KCNJ3: variants seen among roughly 807,000 people sequenced by gnomAD.
KCNJ3 encodes the protein G protein-activated inward rectifier potassium channel 1.
Under a neutral mutation model 39.2 loss-of-function variants are expected in KCNJ3, and 4 were observed. The ratio of observed to expected loss-of-function variants is 0.10; its 90% CI spans 0.05 to 0.23. The LOEUF is 0.23. Among genes scored for constraint, KCNJ3 ranks in the 10% least tolerant of loss-of-function variants. The pLI is 1.00. For missense variants in KCNJ3, 276 were observed against 634.9 expected (o/e 0.43, Z 6.08); for synonymous variants, 230 against 237.4 (o/e 0.97, Z 0.29).
intron 2 of KCNJ3, among the ~76,000 whole-genome samples, chr2:154,831,888 G>C (rs563921821): frequency 5.9e-5 from 9 of 152,252 alleles, no homozygotes; most frequent in Non-Finnish European, 8.8e-5. Flanking sequence ...TTTGGCTCAT[G>C]GTTCTGCAGG....
intron 2 of KCNJ3, among the ~76,000 whole-genome samples, chr2:154,827,903 T>A (rs1687296206): frequency 6.6e-6 from 1 of 152,128 alleles, no homozygotes; most frequent in Non-Finnish European, 1.5e-5. Flanking sequence ...ATTCTAATGA[T>A]CAAATTCTGG....
At chr2:154,738,294 G>A (rs1341607283) in intron 2 of KCNJ3, among the ~76,000 whole-genome samples, 1 of 152,016 alleles carries the variant, frequency 6.6e-6, no homozygotes, top group Non-Finnish European at 1.5e-5. Flanking sequence ...GTGGGGAGAT[G>A]GGGATTATTA....
At chr2:154,790,916 A>G (rs1360579948) in intron 2 of KCNJ3, among the ~76,000 whole-genome samples, 1 of 152,088 alleles carries the variant, frequency 6.6e-6, no homozygotes, top group Non-Finnish European at 1.5e-5. Flanking sequence ...ATCTTTGAGT[A>G]AGTCAGAAAA....
intron 1 of KCNJ3, among the ~76,000 whole-genome samples, chr2:154,703,985 G>A (rs1684955036): frequency 6.6e-6 from 1 of 152,028 alleles, no homozygotes; most frequent in South Asian, 2.1e-4. Flanking sequence ...GTATTGGTTG[G>A]TGAGTTCTTC....
intron 2 of KCNJ3, among the ~76,000 whole-genome samples, chr2:154,815,948 A>C (rs1687077154): frequency 6.6e-6 from 1 of 152,164 alleles, no homozygotes; most frequent in Non-Finnish European, 1.5e-5. Flanking sequence ...CAGAATATAA[A>C]TGTGTGTCCC....
At chr2:154,728,030 C>A (rs1490191882) in intron 2 of KCNJ3, among the ~76,000 whole-genome samples, 2 of 151,572 alleles carry the variant, frequency 1.3e-5, no homozygotes, top group Non-Finnish European at 2.9e-5. Flanking sequence ...ATGTGAAAAA[C>A]AATGATTTTG....
At chr2:154,765,160 T>A (rs138109744) in intron 2 of KCNJ3, among the ~76,000 whole-genome samples, 9 of 152,146 alleles carry the variant, frequency 5.9e-5, no homozygotes, top group African/African-American at 1.9e-4. Context: ...GCCCTAGTTA[T>A]GGCAACCAAA....
At chr2:154,745,397 C>G (rs1473198146) in intron 2 of KCNJ3, among the ~76,000 whole-genome samples, 1 of 151,832 alleles carries the variant, frequency 6.6e-6, no homozygotes, top group African/African-American at 2.4e-5. Flanking sequence ...ATTTTTAAAT[C>G]TCTGCTTTTA....
At chr2:154,755,122 A>C (rs549548507) in intron 2 of KCNJ3, among the ~76,000 whole-genome samples, 1 of 152,168 alleles carries the variant, frequency 6.6e-6, no homozygotes. Flanking sequence ...GTGTATTTTT[A>C]ACCTTTTTCT....
At chr2:154,793,904 T>C (rs1686678550) in intron 2 of KCNJ3, among the ~76,000 whole-genome samples, 1 of 152,026 alleles carries the variant, frequency 6.6e-6, no homozygotes, top group Non-Finnish European at 1.5e-5. Context: ...TCTAGGCACT[T>C]GTACTGTAGA....
intron 2 of KCNJ3, among the ~76,000 whole-genome samples, chr2:154,838,074 G>A (rs1358420685): frequency 2.0e-5 from 3 of 152,188 alleles, no homozygotes; most frequent in Non-Finnish European, 2.9e-5. Context: ...GGTGCAGGAT[G>A]AGTGTGTGTA....
At chr2:154,804,952 A>T (rs1236056050) in intron 2 of KCNJ3, among the ~76,000 whole-genome samples, 1 of 152,136 alleles carries the variant, frequency 6.6e-6, no homozygotes, top group African/African-American at 2.4e-5. Flanking sequence ...TATAGAGAAC[A>T]CCACATTACA....
chr2:154,820,640 G>A (rs778688512), intron 2 of KCNJ3, among the ~76,000 whole-genome samples: 2 of 152,148 alleles, frequency 1.3e-5, no homozygotes, highest in Non-Finnish European at 2.9e-5. Flanking sequence ...CTGTCTTCTA[G>A]TGAACAGTTT....
intron 2 of KCNJ3, among the ~76,000 whole-genome samples, chr2:154,800,533 T>C (rs1402983163): frequency 6.6e-6 from 1 of 152,206 alleles, no homozygotes; most frequent in Non-Finnish European, 1.5e-5. Context: ...TGTTTTTCCT[T>C]CACATCATCA....
At chr2:154,705,621 G>A (rs905512189) in intron 1 of KCNJ3, among the ~76,000 whole-genome samples, 3 of 152,106 alleles carry the variant, frequency 2.0e-5, no homozygotes, top group African/African-American at 4.8e-5. Flanking sequence ...TACACATAGA[G>A]CATTTACATA....
intron 1 of KCNJ3, among the ~76,000 whole-genome samples, chr2:154,701,870 C>T (rs1158756487): frequency 2.6e-5 from 4 of 151,918 alleles, no homozygotes; most frequent in African/African-American, 7.2e-5. Context: ...AGTCAGTTAG[C>T]GTAGCTTGTT....
At chr2:154,735,102 T>TGTGTGTGTGTGTGTGTGTGTGTGTG (rs746877275) in intron 2 of KCNJ3, among the ~76,000 whole-genome samples, 12 of 151,768 alleles carry the variant, frequency 7.9e-5, no homozygotes, top group East Asian at 3.9e-4. Context: ...TGTGTGTGTG[T>TGTGTGTGTGTGTGTGTGTGTGTGTG]TTGAGACGGA....
At chr2:154,838,324 C>A (rs948819626) in intron 2 of KCNJ3, among the ~76,000 whole-genome samples, 1 of 152,122 alleles carries the variant, frequency 6.6e-6, no homozygotes, top group Non-Finnish European at 1.5e-5. Flanking sequence ...AAATAGCAGA[C>A]TAGCATGGAG....
intron 2 of KCNJ3, among the ~76,000 whole-genome samples, chr2:154,733,152 C>A (rs745364254): frequency 2.0e-5 from 3 of 152,060 alleles, no homozygotes; most frequent in Non-Finnish European, 2.9e-5. Flanking sequence ...CTATCACTGG[C>A]AGATTCTATT....
Sources: allele counts gnomAD v4.1 joint callset (sites outside exome capture counted in the v4.1 genomes callset), GRCh38; gene constraint gnomAD v4.1.1; transcripts MANE v1.5; gene names NCBI Gene and HGNC (gene_info 2026-07-23, HGNC 2026-07-21).